POLH: variants seen among roughly 807,000 people sequenced by gnomAD.
POLH encodes the protein DNA polymerase eta.
A neutral mutation model predicts 73.6 loss-of-function variants in POLH; 53 were observed. The ratio of observed to expected loss-of-function variants is 0.72; its 90% CI spans 0.58 to 0.91. POLH has a LOEUF of 0.91. Among genes scored for constraint, POLH ranks in the 40% least tolerant of loss-of-function variants. The pLI, the probability that POLH is intolerant of heterozygous loss-of-function variation, is 0.00. For synonymous variants in POLH, 292 were observed against 308.5 expected, an observed-to-expected ratio of 0.95 and a Z score of 0.56; for missense variants, 768 against 865.4, an observed-to-expected ratio of 0.89 and a Z score of 1.41.
At chr6:43,579,516 G>T (rs951837540) in intron 1 of POLH, among the ~76,000 whole-genome samples, 2 of 152,270 alleles carry the variant, frequency 1.3e-5, no homozygotes, top group Admixed American at 6.5e-5. Flanking sequence ...GGCATGCCTT[G>T]CCATGTGTAT....
In POLH at chr6:43,613,974, T is replaced by G. The variant is rs768181241; in HGVS notation, c.1559T>G (p.Phe520Cys). ...TCACCATCCAAGCCCTCATTACCTT[T>G]TCAAACCAGTCAAAGTACAGGAACT... is the stretch of plus-strand genomic sequence containing the variant. ...SNSPSKPSLPFQTSQSTGTEP... is the reference protein window; with the variant it reads ...SNSPSKPSLPCQTSQSTGTEP... The change falls in exon 11 of 11, where the codon TTT (phenylalanine) becomes TGT (cysteine). Residue 520 changes from phenylalanine to cysteine, a missense_variant. By Grantham distance (205) the Phe-to-Cys change is radical. Coordinates refer to ENST00000372236, the MANE Select transcript of POLH (RefSeq NM_006502.3). 6 of 1,613,980 alleles carry G rather than the reference T, an allele frequency of 3.7e-6. No homozygotes were observed. Among genetic ancestry groups the G allele is most frequent in the Non-Finnish European group, 5.1e-6 (6 of 1,180,048 alleles).
At chr6:43,595,255 T>A (rs537529566) in intron 4 of POLH, among the ~76,000 whole-genome samples, 20 of 151,854 alleles carry the variant, frequency 1.3e-4, no homozygotes, top group African/African-American at 4.6e-4. Flanking sequence ...CTCAGCCTCC[T>A]GAGTAGCTGG....
Position 43,605,406 on chromosome 6 carries a change from G to GA in POLH, c.1074+93dup, listed in dbSNP as rs1582310573. 1.5e-5 allele frequency: 9 copies of GA among 587,032 alleles called. No homozygotes were observed. In the East Asian group the frequency reaches 3.1e-4, roughly 20 times the overall value. The allele number at this position is 587,032 out of a possible 1,614,324, so 36.4% of individuals were successfully genotyped here. A position where few individuals can be genotyped will look rare whatever the true frequency, so the allele number is the denominator to read the frequency against. On this transcript the variant is annotated intron_variant, in intron 9 of 10. Coordinates refer to ENST00000372236, the MANE Select transcript of POLH (RefSeq NM_006502.3). Reference sequence around the variant, plus strand: ...ACCTTATGGAGCAGGAACAAAGACAGAAAAAAGTATTAGCATAGGAAATAT... The same window carrying GA: ...ACCTTATGGAGCAGGAACAAAGACAGAAAAAAAGTATTAGCATAGGAAATAT...
chr6:43,577,054 C>T (rs1582258823), intron 1 of POLH, among the ~76,000 whole-genome samples: 1 of 152,108 alleles, frequency 6.6e-6, no homozygotes, highest in Non-Finnish European at 1.5e-5. Flanking sequence ...CGGTGCGCGC[C>T]TGTAATCCCA....
At chr6:43,581,262 C>A (rs1279366424) in intron 1 of POLH, among the ~76,000 whole-genome samples, 1 of 148,850 alleles carries the variant, frequency 6.7e-6, no homozygotes, top group South Asian at 2.2e-4. Flanking sequence ...GATGGGGCGG[C>A]GGGGCAGAGG....
intron 2 of POLH, among the ~76,000 whole-genome samples, 165 bp downstream of exon 2, chr6:43,582,621 C>T (rs917202901): frequency 6.6e-6 from 1 of 152,064 alleles, no homozygotes; most frequent in Non-Finnish European, 1.5e-5. Flanking sequence ...GACCTGGGCT[C>T]AAGTGATCAT....
In POLH at chr6:43,614,296, A is replaced by G. The variant is rs373634834; in HGVS notation, c.1881A>G (p.Leu627=). Residue 627 remains leucine, a synonymous_variant, in exon 11 of 11, where the codon CTA becomes CTG. Transcript: ENST00000372236. ...AAGCAACCCCAAATCCAAGTCTTCTAGCTGCTGAGGACCAAGTGCCCTGTG... is the reference window on the plus strand; with the variant it reads ...AAGCAACCCCAAATCCAAGTCTTCTGGCTGCTGAGGACCAAGTGCCCTGTG... ...TQKATPNPSL[L]AAEDQVPCEK... 4.4e-6 allele frequency: 7 copies of G among 1,599,868 alleles called. No individual in the cohort carries two copies. The highest frequency in any genetic ancestry group is 6.0e-6 in the Non-Finnish European group (7 of 1,171,366).
At chr6:43,578,542 A>C (rs1313678180) in intron 1 of POLH, 1 of 335,186 alleles carries the variant, frequency 3.0e-6, no homozygotes, top group African/African-American at 2.2e-5. Flanking sequence ...AAAAAGTGTC[A>C]TGGTCATGAA....
intron 1 of POLH, among the ~76,000 whole-genome samples, chr6:43,576,884 G>A (rs1465092847): frequency 3.3e-5 from 5 of 152,200 alleles, no homozygotes; most frequent in Admixed American, 1.3e-4. Flanking sequence ...GGCCGGGCGC[G>A]GTGGCTCACG....
intron 6 of POLH, among the ~76,000 whole-genome samples, chr6:43,602,843 T>C (rs989647268): frequency 6.6e-6 from 1 of 151,526 alleles, no homozygotes; most frequent in Non-Finnish European, 1.5e-5. Flanking sequence ...AATTTTTGTA[T>C]TTTTAGGAGA....
intron 5 of POLH, 71 bp downstream of exon 5, chr6:43,597,936 C>A: frequency 7.4e-7 from 1 of 1,355,594 alleles, no homozygotes; most frequent in Non-Finnish European, 1.1e-6. Flanking sequence ...GACAGTGGGA[C>A]ATTGAAATTA....
At chr6:43,577,857 G>A (rs1763543582) in intron 1 of POLH, among the ~76,000 whole-genome samples, 1 of 152,098 alleles carries the variant, frequency 6.6e-6, no homozygotes, top group South Asian at 2.1e-4. Flanking sequence ...GGCCGAGGCG[G>A]GCGGATCACG....
At chr6:43,605,452 T>TC in intron 9 of POLH, 133 bp downstream of exon 9, 2 of 603,308 alleles carry the variant, frequency 3.3e-6, no homozygotes. Flanking sequence ...TCTTTTTTTT[T>TC]TTTTTTTTTT....
intron 9 of POLH, among the ~76,000 whole-genome samples, chr6:43,607,950 G>T (rs1192075598): frequency 6.6e-6 from 1 of 152,130 alleles, no homozygotes; most frequent in African/African-American, 2.4e-5. Flanking sequence ...GGCCAACATG[G>T]CGAAACCCTG....
intron 4 of POLH, among the ~76,000 whole-genome samples, chr6:43,592,478 C>T (rs1765570695): frequency 6.8e-6 from 1 of 147,546 alleles, no homozygotes; most frequent in Non-Finnish European, 1.5e-5. Flanking sequence ...GTGGTGCAAT[C>T]TCGGCTCACT....
chr6:43,592,163 T>C (rs1214518954), intron 4 of POLH, among the ~76,000 whole-genome samples: 2 of 152,192 alleles, frequency 1.3e-5, no homozygotes, highest in Non-Finnish European at 2.9e-5. Context: ...ATATTTCATA[T>C]CATATTCCTG....
intron 9 of POLH, among the ~76,000 whole-genome samples, chr6:43,606,670 C>A (rs1408607431): frequency 6.6e-6 from 1 of 152,150 alleles, no homozygotes; most frequent in East Asian, 1.9e-4. Flanking sequence ...CTCAGGCGAT[C>A]TGCCCATCTT....
intron 9 of POLH, among the ~76,000 whole-genome samples, chr6:43,609,272 T>G (rs931624850): frequency 1.3e-5 from 2 of 152,222 alleles, no homozygotes; most frequent in African/African-American, 4.8e-5. Flanking sequence ...GACTTTATTT[T>G]GTTCTCTCCT....
chr6:43,596,626 AT>A (rs1421402169), intron 4 of POLH, among the ~76,000 whole-genome samples: 6 of 152,366 alleles, frequency 3.9e-5, no homozygotes, highest in African/African-American at 1.4e-4. Context: ...ATTAATGTGG[AT>A]TTTAAGCCCT....
Sources: allele counts gnomAD v4.1 joint callset (sites outside exome capture counted in the v4.1 genomes callset), GRCh38; gene constraint gnomAD v4.1.1; transcripts MANE v1.5; gene names NCBI Gene and HGNC (gene_info 2026-07-23, HGNC 2026-07-21).